DLGAP2: variants seen among roughly 807,000 people sequenced by gnomAD.
DLGAP2 encodes the protein disks large-associated protein 2.
Under a neutral mutation model 100.3 loss-of-function variants are expected in DLGAP2, and 26 were observed. The observed-to-expected ratio is 0.26, with a 90% CI of 0.19 to 0.36. DLGAP2 has a LOEUF of 0.36. Ranked by LOEUF, DLGAP2 falls within the 10% of genes least tolerant of loss-of-function variation. The pLI is 1.00. For missense variants in DLGAP2, 1,858 were observed against 1,453.2 expected, an observed-to-expected ratio of 1.28 and a Z score of -4.53; for synonymous variants, 886 against 630.1, an observed-to-expected ratio of 1.41 and a Z score of -6.08.
intron 6 of DLGAP2, among the ~76,000 whole-genome samples, chr8:1,580,910 C>G (rs980352333): frequency 5.3e-5 from 8 of 152,068 alleles, no homozygotes; most frequent in Non-Finnish European, 1.0e-4. Flanking sequence ...CATCTATACA[C>G]CACAGTAAAC....
Position 1,598,200 on chromosome 8 carries a change from C to T in DLGAP2, c.1443-28540C>T, listed in dbSNP as rs558151581. Among the ~76,000 whole-genome samples, 4 of 152,298 alleles carry T rather than the reference C, an allele frequency of 2.6e-5. No individual in the cohort carries two copies. The East Asian group carries it at 5.8e-4, about 22-fold the overall frequency. Reference sequence around the variant, plus strand: ...TGCATATGTTGAACCAGCCTTGCATCCCAGGGATGAAGCCGACTTGATCGT... The same window carrying T: ...TGCATATGTTGAACCAGCCTTGCATTCCAGGGATGAAGCCGACTTGATCGT... On this transcript the variant is annotated intron_variant, in intron 6 of 14. Transcript: ENST00000637795.
At chr8:1,691,433 T>C in intron 12 of DLGAP2, 102 bp from the exon 13 acceptor site, 7 of 977,436 alleles carry the variant, frequency 7.2e-6, no homozygotes, top group Non-Finnish European at 7.6e-6. Context: ...TCAGTTTTCA[T>C]CTCCAGTGGG....
intron 1 of DLGAP2, among the ~76,000 whole-genome samples, chr8:843,315 C>T (rs1363472588): frequency 6.6e-6 from 1 of 152,204 alleles, no homozygotes; most frequent in Non-Finnish European, 1.5e-5. Flanking sequence ...ACGTGTTTTT[C>T]CCTCAGTCCT....
At chr8:1,651,339 C>G (rs953789349) in intron 8 of DLGAP2, among the ~76,000 whole-genome samples, 2 of 152,180 alleles carry the variant, frequency 1.3e-5, no homozygotes, top group African/African-American at 4.8e-5. Context: ...CGTCAGCAGC[C>G]ATGGTCACGT....
rs534109829 is a variant in DLGAP2 at position 1,635,711 on chromosome 8, A to C, written c.1810+2665A>C. Among the ~76,000 whole-genome samples the C allele has an allele frequency of 6.9e-4, 105 of 152,358 alleles. 1 individual carries two copies. The highest frequency in any genetic ancestry group is 2.4e-3 in the African/African-American group (100 of 41,572). On this transcript the variant is annotated intron_variant, in intron 8 of 14. Coordinates refer to ENST00000637795, the MANE Select transcript of DLGAP2 (RefSeq NM_001346810.2). ...TAAAAGTTGATGTTATTATTAGATT[A>C]TTTCACCTTGTATAACTACAAATGT...
intron 4 of DLGAP2, among the ~76,000 whole-genome samples, chr8:1,537,046 C>G (rs1000147151): frequency 3.3e-5 from 5 of 150,940 alleles, no homozygotes; most frequent in African/African-American, 1.2e-4. Flanking sequence ...CAGGAAGTCT[C>G]CCAAGGCAGC....
At chr8:1,368,851 T>G (rs1163489733) in intron 3 of DLGAP2, 1 of 152,376 alleles carries the variant, frequency 6.6e-6, no homozygotes, top group Non-Finnish European at 1.5e-5. Context: ...CATCTATTCC[T>G]GATGCTCTCC....
At chr8:1,023,753 C>T (rs1801695426) in intron 2 of DLGAP2, among the ~76,000 whole-genome samples, 1 of 152,056 alleles carries the variant, frequency 6.6e-6, no homozygotes, top group Admixed American at 6.5e-5. Flanking sequence ...CTTGCCCCAC[C>T]TCATTCTGCA....
At chr8:1,639,000 G>C (rs1797834961) in intron 8 of DLGAP2, among the ~76,000 whole-genome samples, 1 of 152,196 alleles carries the variant, frequency 6.6e-6, no homozygotes, top group South Asian at 2.1e-4. Flanking sequence ...AGCCGGGATG[G>C]ATTGGGATGA....
chr8:1,434,859 C>G (rs1160314128), intron 3 of DLGAP2, among the ~76,000 whole-genome samples: 1 of 152,158 alleles, frequency 6.6e-6, no homozygotes, highest in Non-Finnish European at 1.5e-5. Context: ...TTCATCCTTC[C>G]TCCCCTCCCT....
chr8:914,303 G>A (rs966745097), intron 2 of DLGAP2, among the ~76,000 whole-genome samples: 1 of 152,140 alleles, frequency 6.6e-6, no homozygotes, highest in Non-Finnish European at 1.5e-5. Flanking sequence ...CCATGGGCTG[G>A]GGCGCTCTTT....
chr8:1,028,788 GC>G lies in DLGAP2; in HGVS notation c.73+120823del, dbSNP rs565390370. On this transcript the variant is annotated intron_variant, in intron 2 of 14. Transcript: ENST00000637795. Reference sequence around the variant, plus strand: ...TGAGAATCCCTTGGGATTTTTTAAAGCTGGAAGTCTTTTGATCAGAGTTGCA... The same window carrying G: ...TGAGAATCCCTTGGGATTTTTTAAAGTGGAAGTCTTTTGATCAGAGTTGCA... Among the ~76,000 whole-genome samples, 514 of 152,348 alleles carry G rather than the reference GC, an allele frequency of 3.4e-3. 2 individuals are homozygous for G. Among genetic ancestry groups the G allele is most frequent in the African/African-American group, 0.012 (484 of 41,586 alleles).
At chr8:1,618,652 G>A (rs185826588) in intron 6 of DLGAP2, among the ~76,000 whole-genome samples, 466 of 152,300 alleles carry the variant, frequency 3.1e-3, no homozygotes, top group Non-Finnish European at 4.2e-3. Flanking sequence ...CAAGACTTGC[G>A]TTAAATCTAA....
rs944583419 is a variant in DLGAP2 at position 1,324,085 on chromosome 8, G to C, written c.106+65202G>C. On this transcript the variant is annotated intron_variant, in intron 3 of 14. Transcript: ENST00000637795. ...GAAAGGCTGAAGCTATGTCTCTAGG[G>C]CCTCTGGCTTAGTGAAATAAGAAGC... 1.1e-4 allele frequency among the ~76,000 whole-genome samples: 16 copies of C among 152,270 alleles called. 1 individual carries two copies. The South Asian group carries it at 3.3e-3, about 32-fold the overall frequency.
At chr8:1,368,508 A>G (rs1349984033) in intron 3 of DLGAP2, 1 of 152,166 alleles carries the variant, frequency 6.6e-6, no homozygotes, top group Non-Finnish European at 1.5e-5. Context: ...AATGAGGTCT[A>G]TCACAGTAAA....
At chr8:1,056,725 C>G (rs746389104) in intron 2 of DLGAP2, among the ~76,000 whole-genome samples, 3 of 152,252 alleles carry the variant, frequency 2.0e-5, no homozygotes, top group Non-Finnish European at 2.9e-5. Flanking sequence ...AATTCTGACC[C>G]TGCCAGATCA....
At chr8:1,507,093 C>T (rs138347839) in intron 4 of DLGAP2, among the ~76,000 whole-genome samples, 2,776 of 152,360 alleles carry the variant, frequency 0.018, 101 homozygotes, top group African/African-American at 0.064. Flanking sequence ...CTCAGGAGCC[C>T]AGCTGGCTTC....
intron 2 of DLGAP2, among the ~76,000 whole-genome samples, chr8:1,001,483 A>C (rs1326470960): frequency 6.6e-6 from 1 of 152,190 alleles, no homozygotes; most frequent in Non-Finnish European, 1.5e-5. Flanking sequence ...ACTATTATTG[A>C]TGAGAGCAAA....
chr8:1,178,167 G>A (rs1797303134), intron 2 of DLGAP2, among the ~76,000 whole-genome samples: 2 of 152,244 alleles, frequency 1.3e-5, no homozygotes, highest in Admixed American at 6.5e-5. Flanking sequence ...CCTGAAGGCA[G>A]GGAAATGTTA....
Sources: gnomAD v4.1 joint callset for allele counts (sites outside exome capture counted in the v4.1 genomes callset) on GRCh38, gnomAD v4.1.1 for gene constraint, MANE v1.5 for transcripts, NCBI Gene and HGNC (gene_info 2026-07-23, HGNC 2026-07-21) for gene names.